The following QSER1 variants were observed in gnomAD, a reference collection of about 807,000 sequenced individuals.
The protein encoded by QSER1 is glutamine and serine rich 1.
A neutral mutation model predicts 158.5 loss-of-function variants in QSER1; 49 were observed. The ratio of observed to expected loss-of-function variants is 0.31; its 90% CI spans 0.25 to 0.39. The LOEUF is 0.39. Ranked by LOEUF, QSER1 falls within the 10% of genes least tolerant of loss-of-function variation. The pLI, the probability that QSER1 is intolerant of heterozygous loss-of-function variation, is 1.00. For missense variants in QSER1, 1,754 were observed against 2,010.3 expected, an observed-to-expected ratio of 0.87 and a Z score of 2.44; for synonymous variants, 650 against 715.5, an observed-to-expected ratio of 0.91 and a Z score of 1.46.
intron 3 of QSER1, among the ~76,000 whole-genome samples, chr11:32,931,450 C>T (rs930446153): frequency 1.3e-5 from 2 of 151,906 alleles, no homozygotes; most frequent in Non-Finnish European, 2.9e-5. Flanking sequence ...TGGGAGTATG[C>T]GCCTGTAGTC....
At chr11:32,949,732 G>A (rs1468323629) in intron 4 of QSER1, among the ~76,000 whole-genome samples, 1 of 152,198 alleles carries the variant, frequency 6.6e-6, no homozygotes, top group African/African-American at 2.4e-5. Flanking sequence ...GGCTCCTAAC[G>A]TGATTAGAAT....
At chr11:32,928,962 G>A (rs1451379511) in intron 3 of QSER1, among the ~76,000 whole-genome samples, 4 of 151,948 alleles carry the variant, frequency 2.6e-5, no homozygotes, top group Admixed American at 2.6e-4. Context: ...TATTTAGTTA[G>A]ATTTTCCTAT....
At chr11:32,951,185 G>A (rs1433324286) in intron 4 of QSER1, among the ~76,000 whole-genome samples, 1 of 152,132 alleles carries the variant, frequency 6.6e-6, no homozygotes, top group African/African-American at 2.4e-5. Context: ...TAGTAGGATG[G>A]TTAACTATTC....
intron 8 of QSER1, among the ~76,000 whole-genome samples, chr11:32,960,494 G>T (rs1160700530): frequency 2.0e-5 from 3 of 152,116 alleles, no homozygotes; most frequent in African/African-American, 7.2e-5. Flanking sequence ...AAGAGGCAAA[G>T]GTTTCAGTAA....
chr11:32,974,425 C>CAAAAAAAA (rs34050306), intron 11 of QSER1, among the ~76,000 whole-genome samples: 1 of 91,822 alleles, frequency 1.1e-5, no homozygotes, highest in Non-Finnish European at 2.4e-5. Context: ...GACACTGTCT[C>CAAAAAAAA]AAAAAAAAAA....
intron 12 of QSER1, 31 bp from the exon 13 acceptor site, chr11:32,976,302 TA>T (rs1422006441): frequency 6.4e-7 from 1 of 1,553,536 alleles, no homozygotes; most frequent in Non-Finnish European, 8.7e-7. Flanking sequence ...ATGTGATAAG[TA>T]TAAGCTAATT....
intron 12 of QSER1, 123 bp from the exon 13 acceptor site, chr11:32,976,211 A>C: frequency 1.1e-6 from 1 of 884,682 alleles, no homozygotes; most frequent in Non-Finnish European, 1.6e-6. Flanking sequence ...TCTCACCCAA[A>C]TTTAGCTGAA....
chr11:32,972,069 A>G (rs1010180854), intron 10 of QSER1, among the ~76,000 whole-genome samples: 4 of 151,868 alleles, frequency 2.6e-5, no homozygotes, highest in African/African-American at 9.7e-5. Context: ...TCTCAAAAAA[A>G]AAAAAAAACA....
chr11:32,944,077 T>A (rs1259471687), intron 4 of QSER1, among the ~76,000 whole-genome samples: 1 of 152,222 alleles, frequency 6.6e-6, no homozygotes, highest in Non-Finnish European at 1.5e-5. Context: ...GGATTGGTGG[T>A]GATATCCCCT....
chr11:32,900,991 G>A (rs1851618101), intron 1 of QSER1, among the ~76,000 whole-genome samples: 1 of 152,196 alleles, frequency 6.6e-6, no homozygotes, highest in Non-Finnish European at 1.5e-5. Flanking sequence ...ATCACTGATA[G>A]AATGCATGTT....
rs562683530 is a variant in QSER1 at position 32,906,217 on chromosome 11, G to A, written c.209+12883G>A. Among the ~76,000 whole-genome samples the A allele has an allele frequency of 4.6e-5, 7 of 151,054 alleles. No individual in the cohort carries two copies. The East Asian group carries it at 1.4e-3, about 30-fold the overall frequency. On this transcript the variant is annotated intron_variant, in intron 1 of 12. Transcript: ENST00000650167. Reference sequence around the variant, plus strand: ...GCGGGTGGATCACTTGAGGTCAGGTGTTCAAGACCAGCCTGATTAATATGG... The same window carrying A: ...GCGGGTGGATCACTTGAGGTCAGGTATTCAAGACCAGCCTGATTAATATGG...
rs143440435 is a variant in QSER1, at chr11:32,907,948, T to G, written c.209+14614T>G. Among the ~76,000 whole-genome samples the G allele has an allele frequency of 9.5e-3, 1,438 of 152,060 alleles. 11 individuals carry two copies. The highest frequency in any genetic ancestry group is 0.016 in the Non-Finnish European group (1,055 of 67,966). On this transcript the variant is annotated intron_variant, in intron 1 of 12. Transcript: ENST00000650167. Reference sequence around the variant, plus strand: ...GACCCTCGTCTCTACAAAAAATACATAATTAGCTGAGCATGGTGGCATGCA... The same window carrying G: ...GACCCTCGTCTCTACAAAAAATACAGAATTAGCTGAGCATGGTGGCATGCA...
At chr11:32,900,682 A>G (rs116513489) in intron 1 of QSER1, among the ~76,000 whole-genome samples, 160 of 152,214 alleles carry the variant, frequency 1.1e-3, no homozygotes, top group African/African-American at 3.7e-3. Flanking sequence ...TACTGGCTTT[A>G]CTTCTGTTCC....
chr11:32,949,276 A>G (rs1201147207), intron 4 of QSER1, among the ~76,000 whole-genome samples: 4 of 152,154 alleles, frequency 2.6e-5, no homozygotes, highest in African/African-American at 7.2e-5. Flanking sequence ...ACAGATAACT[A>G]TGTGACTTGT....
Position 32,934,979 on chromosome 11 carries a change from C to T in QSER1, c.3721C>T (p.Pro1241Ser), listed in dbSNP as rs760109058. 8.7e-6 allele frequency: 14 copies of T among 1,614,024 alleles called. No individual in the cohort carries two copies. The South Asian group carries it at 1.1e-4, about 13-fold the overall frequency. The stretch of plus-strand genomic sequence containing the variant: ...TCCAAGGGGAACAGATATTTACTTA[C>T]CGTATACTCCTCCTTCCTCAGAAAG... The part of the protein sequence containing the change: ...QNPRGTDIYL[P>S]YTPPSSESCH... The change falls in exon 4 of 13, where the codon CCG (proline) becomes TCG (serine). Residue 1241 changes from proline (P) to serine (S), a missense_variant. Physicochemically the swap from Pro to Ser is moderately conservative, Grantham distance 74. This residue lies in a region of QSER1 where 1,707 missense variants were observed against 1,919.6 expected (regional missense o/e 0.89). Coordinates refer to ENST00000650167, the MANE Select transcript of QSER1 (RefSeq NM_001076786.3).
At chr11:32,904,871 A>C (rs1851672380) in intron 1 of QSER1, among the ~76,000 whole-genome samples, 1 of 152,190 alleles carries the variant, frequency 6.6e-6, no homozygotes, top group African/African-American at 2.4e-5. Flanking sequence ...TCAATCCTTG[A>C]TATAAATACT....
intron 4 of QSER1, among the ~76,000 whole-genome samples, chr11:32,950,016 C>G (rs1033734902): frequency 3.3e-5 from 5 of 152,212 alleles, no homozygotes; most frequent in Non-Finnish European, 7.3e-5. Flanking sequence ...CTTCAGAGTA[C>G]AGCTTTTGCA....
At chr11:32,956,308 A>G (rs2133585011) in intron 7 of QSER1, among the ~76,000 whole-genome samples, 187 bp downstream of exon 7, 1 of 152,250 alleles carries the variant, frequency 6.6e-6, no homozygotes. Context: ...GCTCATGGCT[A>G]TCTGTGGTGG....
intron 1 of QSER1, among the ~76,000 whole-genome samples, chr11:32,920,302 T>C (rs1044595736): frequency 1.3e-5 from 2 of 152,214 alleles, no homozygotes; most frequent in Non-Finnish European, 2.9e-5. Flanking sequence ...TATTAAGGGA[T>C]TTCTACATTA....
Sources: allele counts gnomAD v4.1 joint callset (sites outside exome capture counted in the v4.1 genomes callset), GRCh38; gene constraint gnomAD v4.1.1; regional missense constraint gnomAD v4.1.1; transcripts MANE v1.5; gene names NCBI Gene and HGNC (gene_info 2026-07-23, HGNC 2026-07-21).